Variants in DNAH11 observed in about 807,000 individuals in gnomAD.
DNAH11 encodes dynein axonemal heavy chain 11.
In DNAH11, 442 loss-of-function variants were observed where a neutral mutation model predicts 526.0. That is an observed-to-expected ratio of 0.84 (90% CI 0.78 to 0.91). The LOEUF is 0.91. DNAH11 is among the 40% of genes least tolerant of loss of function. The pLI, the probability that DNAH11 is intolerant of heterozygous loss-of-function variation, is 0.00. For missense variants in DNAH11, 6,989 were observed against 5,448.7 expected, an observed-to-expected ratio of 1.28 and a Z score of -8.90; for synonymous variants, 2,461 against 1,935.9, an observed-to-expected ratio of 1.27 and a Z score of -7.12.
At position 21,682,525 on chromosome 7, in the gene DNAH11, CAAAAAA is replaced by C. The variant is rs60337481; in HGVS notation, c.5460+868_5460+873del. ...TGGGTGACAGAGCGAGACTCCATCT[CAAAAAA>C]AAAAAAAAAAAAAAAAAAATTTCTG... On this transcript the variant is annotated intron_variant, in intron 31 of 81. Coordinates refer to ENST00000409508, the MANE Select transcript of DNAH11 (RefSeq NM_001277115.2). 8.3e-3 allele frequency among the ~76,000 whole-genome samples: 801 copies of C among 96,032 alleles called. 10 individuals carry two copies. Among genetic ancestry groups the C allele is most frequent in the African/African-American group, 0.026 (695 of 26,942 alleles). 63.0% of individuals were successfully genotyped at this position (96,032 alleles called of 152,430 possible).
intron 2 of DNAH11, among the ~76,000 whole-genome samples, chr7:21,552,355 TA>T (rs2128428041): frequency 6.6e-6 from 1 of 152,340 alleles, no homozygotes; most frequent in African/African-American, 2.4e-5. Flanking sequence ...CAGTTAAACC[TA>T]AAAATTTTTG....
At position 21,681,489 on chromosome 7, in the gene DNAH11, C is replaced by T. The variant is rs1481450162; in HGVS notation, c.5329-57C>T. 7.2e-6 allele frequency: 11 copies of T among 1,535,946 alleles called. No homozygotes were observed. The East Asian group carries it at 1.1e-4, about 16-fold the overall frequency. On this transcript the variant is annotated intron_variant, in intron 30 of 81. Transcript: ENST00000409508. The stretch of plus-strand genomic sequence containing the variant: ...CTTTACAAATACGAAGAATTTGGGG[C>T]TCTTAAATTCTGTATTTGTAACCCT...
At chr7:21,623,642 A>G (rs1316164805) in intron 25 of DNAH11, among the ~76,000 whole-genome samples, 1 of 152,264 alleles carries the variant, frequency 6.6e-6, no homozygotes, top group East Asian at 1.9e-4. Context: ...GCCATAAAAA[A>G]TGATGAGTTC....
intron 28 of DNAH11, among the ~76,000 whole-genome samples, chr7:21,643,691 T>A (rs1220643405): frequency 1.3e-5 from 2 of 152,222 alleles, no homozygotes; most frequent in Non-Finnish European, 2.9e-5. Flanking sequence ...AATCTACCTT[T>A]GCCCCTGCAT....
chr7:21,746,246 A>G (rs1786145573), intron 51 of DNAH11, among the ~76,000 whole-genome samples: 2 of 152,220 alleles, frequency 1.3e-5, no homozygotes, highest in Non-Finnish European at 2.9e-5. Flanking sequence ...TGACACCAGC[A>G]GGAAGACTTC....
In DNAH11 at chr7:21,832,274, G is replaced by A. The variant is rs61452339; in HGVS notation, c.10692-10270G>A. ...AGTTGATGCAGTTTCTTCATATGTC[G>A]ACGGTCTTTACAATTTGGCATGTTT... On this transcript the variant is annotated intron_variant, in intron 65 of 81. Coordinates refer to ENST00000409508, the MANE Select transcript of DNAH11 (RefSeq NM_001277115.2). 1.4e-3 allele frequency among the ~76,000 whole-genome samples: 215 copies of A among 152,168 alleles called. 1 individual carries two copies. Among genetic ancestry groups the A allele is most frequent in the African/African-American group, 5.0e-3 (207 of 41,510 alleles).
At chr7:21,860,708 T>G (rs1398494761) in intron 68 of DNAH11, among the ~76,000 whole-genome samples, 1 of 152,212 alleles carries the variant, frequency 6.6e-6, no homozygotes, top group East Asian at 1.9e-4. Flanking sequence ...ACTGTGACTC[T>G]GCTTATATGA....
chr7:21,783,942 G>T (rs1456728798), intron 57 of DNAH11, among the ~76,000 whole-genome samples: 1 of 152,148 alleles, frequency 6.6e-6, no homozygotes, highest in Non-Finnish European at 1.5e-5. Flanking sequence ...ATATCTTCTA[G>T]CCAGTTGATC....
At chr7:21,548,953 C>A (rs1277503529) in intron 2 of DNAH11, among the ~76,000 whole-genome samples, 14 of 151,762 alleles carry the variant, frequency 9.2e-5, no homozygotes, top group Admixed American at 7.2e-4. Context: ...GCAATCTCAG[C>A]TCACTGCAAC....
At chr7:21,622,199 T>C (rs1224846509) in intron 25 of DNAH11, among the ~76,000 whole-genome samples, 2 of 152,186 alleles carry the variant, frequency 1.3e-5, no homozygotes, top group Non-Finnish European at 2.9e-5. Context: ...AGCCAAATCC[T>C]GAGTGAACTC....
At chr7:21,725,209 C>T (rs1282567549) in intron 44 of DNAH11, among the ~76,000 whole-genome samples, 1 of 152,172 alleles carries the variant, frequency 6.6e-6, no homozygotes, top group Admixed American at 6.5e-5. Flanking sequence ...TAGATTTGGT[C>T]TGGTGGGAAA....
rs747907976 is a variant in DNAH11, at chr7:21,741,974, A to T, written c.7962A>T (p.Leu2654=). ...FAFNFPSLDA[L]NTIYGQIFSF... ...TCAATTTTCCATCTTTGGATGCACTAAACACCATCTATGGCCAAATCTTTA... is the reference window on the plus strand; with the variant it reads ...TCAATTTTCCATCTTTGGATGCACTTAACACCATCTATGGCCAAATCTTTA... The change falls in exon 49 of 82, where the codon CTA becomes CTT. Residue 2654 remains leucine (L), a synonymous_variant. Transcript: ENST00000409508. The T allele has an allele frequency of 6.2e-7, 1 of 1,613,908 alleles. No individual in the cohort carries two copies. Among genetic ancestry groups the T allele is most frequent in the Non-Finnish European group, 8.5e-7 (1 of 1,179,834 alleles).
At chr7:21,635,314 G>A (rs1398212631) in intron 25 of DNAH11, among the ~76,000 whole-genome samples, 2 of 152,096 alleles carry the variant, frequency 1.3e-5, no homozygotes, top group Non-Finnish European at 1.5e-5. Context: ...CCGTCACCAC[G>A]CCCAGCTAAT....
At chr7:21,698,304 AC>A (rs1333677055) in intron 36 of DNAH11, 91 bp downstream of exon 36, 4 of 1,525,420 alleles carry the variant, frequency 2.6e-6, no homozygotes, top group Non-Finnish European at 3.5e-6. Context: ...CATTCAAATT[AC>A]ATTAGACATT....
At chr7:21,727,973 C>A (rs1016995722) in intron 45 of DNAH11, among the ~76,000 whole-genome samples, 1 of 152,266 alleles carries the variant, frequency 6.6e-6, no homozygotes, top group Admixed American at 6.5e-5. Context: ...CTCACTGTCT[C>A]CCTGTGTGTC....
Position 21,873,438 on chromosome 7 carries a change from C to T in DNAH11, c.12132C>T (p.Ile4044=), listed in dbSNP as rs1375468559. The T allele has an allele frequency of 3.7e-6, 6 of 1,613,952 alleles. No homozygotes were observed. The highest frequency in any genetic ancestry group is 1.6e-4 in the Middle Eastern group (1 of 6,062). ...GACTCCTGGAAAATTCCATTAAGAT[C>T]ACTAATGAACCCCCAACAGGGATGC... is the stretch of plus-strand genomic sequence containing the variant. The part of the protein sequence containing the change: ...PQGLLENSIK[I]TNEPPTGMLA... The change falls in exon 74 of 82, where the codon ATC becomes ATT. Residue 4044 remains isoleucine, a synonymous_variant. Transcript: ENST00000409508.
At chr7:21,715,618 T>G (rs1389529087) in intron 42 of DNAH11, among the ~76,000 whole-genome samples, 1 of 152,186 alleles carries the variant, frequency 6.6e-6, no homozygotes, top group Non-Finnish European at 1.5e-5. Flanking sequence ...GGGAACTTTT[T>G]ATATGAAGCA....
chr7:21,808,145 G>T, intron 63 of DNAH11, 96 bp downstream of exon 63: 1 of 1,031,642 alleles, frequency 9.7e-7, no homozygotes, highest in Non-Finnish European at 1.3e-6. Flanking sequence ...TTGGACGTCT[G>T]TAATGAGAAC....
Position 21,543,100 on chromosome 7 carries a change from TAGC to T in DNAH11, c.-140_-138del, listed in dbSNP as rs1472115095. Reference sequence around the variant, plus strand: ...TGTGCGCAGTGGCGCGGCTGCTAAGTAGCAGCAGGTGGGAGACTAGGGTCTGCG... The same window carrying T: ...TGTGCGCAGTGGCGCGGCTGCTAAGTAGCAGGTGGGAGACTAGGGTCTGCG... On this transcript the variant is annotated 5_prime_UTR_variant, in exon 1 of 82. Transcript: ENST00000409508. 16 of 1,411,788 alleles carry T rather than the reference TAGC, an allele frequency of 1.1e-5. No homozygotes were observed. The highest frequency in any genetic ancestry group is 1.4e-5 in the Non-Finnish European group (15 of 1,088,650). The allele number at this position is 1,411,788 out of a possible 1,614,324, so 87.5% of individuals were successfully genotyped here.
Sources: allele counts gnomAD v4.1 joint callset (sites outside exome capture counted in the v4.1 genomes callset), GRCh38; gene constraint gnomAD v4.1.1; transcripts MANE v1.5; gene names NCBI Gene and HGNC (gene_info 2026-07-23, HGNC 2026-07-21).